DNAJA3: variants seen among roughly 807,000 people sequenced by gnomAD.
The protein encoded by DNAJA3 is DnaJ heat shock protein family (Hsp40) member A3, also known as dnaJ homolog subfamily A member 3, mitochondrial.
In DNAJA3, 29 loss-of-function variants were observed where a neutral mutation model predicts 54.9. The observed-to-expected ratio is 0.53, with a 90% confidence interval of 0.39 to 0.72. The LOEUF (loss-of-function observed/expected upper bound fraction) is 0.72. DNAJA3 is among the 30% of genes least tolerant of loss of function. The pLI, the probability that DNAJA3 is intolerant of heterozygous loss-of-function variation, is 0.00. For missense variants in DNAJA3, 708 were observed against 639.4 expected (o/e 1.11, Z -1.16); for synonymous variants, 302 against 251.4 (o/e 1.20, Z -1.90).
rs532292543 is a variant in DNAJA3 at position 4,429,610 on chromosome 16, G to A, written c.211+3518G>A. 5.9e-5 allele frequency among the ~76,000 whole-genome samples: 9 copies of A among 152,274 alleles called. No homozygotes were observed. In the East Asian group the frequency reaches 7.7e-4, roughly 13 times the overall value. On this transcript the variant is annotated intron_variant, in intron 1 of 11. Transcript: ENST00000262375. ...AGCACTTTGGGAGGCCTATGCGGGC[G>A]GATCACCTGAAGTCAGGAGTTTGAG...
chr16:4,453,359 G>C (rs2056998487), intron 10 of DNAJA3, among the ~76,000 whole-genome samples: 1 of 152,076 alleles, frequency 6.6e-6, no homozygotes, highest in Non-Finnish European at 1.5e-5. Context: ...CTGGCGAACA[G>C]AGAGGGAACT....
intron 2 of DNAJA3, among the ~76,000 whole-genome samples, chr16:4,437,024 G>T (rs890264752): frequency 6.6e-6 from 1 of 152,144 alleles, no homozygotes; most frequent in South Asian, 2.1e-4. Context: ...AGGCTGGAGT[G>T]CAGTGCCTCG....
At position 4,442,408 on chromosome 16, in the gene DNAJA3, C is replaced by G; in HGVS notation, c.771C>G (p.Gly257=). ...AGGTGCAGCATTGCCACTACTGTGGCGGCTCCGGCATGGTAAGGCTCTGCC... is the reference window on the plus strand; with the variant it reads ...AGGTGCAGCATTGCCACTACTGTGGGGGCTCCGGCATGGTAAGGCTCTGCC... ...GTKVQHCHYC[G]GSGMETINTG... Residue 257 remains glycine (G), a synonymous_variant, in exon 5 of 12, where the codon GGC becomes GGG. Coordinates refer to ENST00000262375, the MANE Select transcript of DNAJA3 (RefSeq NM_005147.6). 1.3e-6 allele frequency: 2 copies of G among 1,599,784 alleles called. No homozygotes were observed.
intron 7 of DNAJA3, among the ~76,000 whole-genome samples, chr16:4,445,846 C>T (rs1596368138): frequency 6.6e-6 from 1 of 152,272 alleles, no homozygotes; most frequent in East Asian, 1.9e-4. Context: ...GCCACTGCGC[C>T]CGGCCTGTGA....
intron 2 of DNAJA3, 107 bp downstream of exon 2, chr16:4,434,624 G>A (rs1404454849): frequency 1.5e-6 from 2 of 1,306,520 alleles, no homozygotes; most frequent in Non-Finnish European, 2.1e-6. Context: ...TAGGTCTCAT[G>A]AGCTGATAGT....
chr16:4,427,886 T>C (rs1319562341), intron 1 of DNAJA3, among the ~76,000 whole-genome samples: 1 of 151,918 alleles, frequency 6.6e-6, no homozygotes, highest in African/African-American at 2.4e-5. Context: ...CTAAAGTGAT[T>C]CCCTTGCTTC....
intron 1 of DNAJA3, among the ~76,000 whole-genome samples, chr16:4,428,434 A>G (rs2056651355): frequency 6.6e-6 from 1 of 152,198 alleles, no homozygotes; most frequent in Non-Finnish European, 1.5e-5. Context: ...TCTAATGTCA[A>G]GGTTGTTTTA....
chr16:4,451,175 G>A (rs1390860931), intron 10 of DNAJA3, among the ~76,000 whole-genome samples: 1 of 152,176 alleles, frequency 6.6e-6, no homozygotes, highest in African/African-American at 2.4e-5. Context: ...TGGGACTCCT[G>A]GCTCAGGGCA....
rs746711710 is a variant in DNAJA3 at position 4,447,001 on chromosome 16, C to A, written c.1112C>A (p.Thr371Lys). 3 of 1,613,602 alleles carry A rather than the reference C, an allele frequency of 1.9e-6. No homozygotes were observed. The African/African-American group carries it at 4.0e-5, about 22-fold the overall frequency. Residue 371 changes from threonine (T) to lysine (K), a missense_variant, in exon 8 of 12, where the codon ACG becomes AAG. Physicochemically the swap from Thr to Lys is moderately conservative, Grantham distance 78. Coordinates refer to ENST00000262375, the MANE Select transcript of DNAJA3 (RefSeq NM_005147.6). ...GTARAQGLYE[T>K]INVTIPPGTQ... ...GCCAGAGCCCAGGGCCTGTACGAGACGATCAACGTGACGGTAAGAGGGTGT... is the reference window on the plus strand; with the variant it reads ...GCCAGAGCCCAGGGCCTGTACGAGAAGATCAACGTGACGGTAAGAGGGTGT...
intron 1 of DNAJA3, chr16:4,434,127 A>C (rs908376118): frequency 2.5e-5 from 11 of 434,712 alleles, no homozygotes; most frequent in African/African-American, 2.3e-4. Flanking sequence ...AAACTATCAG[A>C]TCTCATGAGA....
rs1185344266 is a variant in DNAJA3, at chr16:4,442,387, G to T, written c.750G>T (p.Val250=). The T allele has an allele frequency of 6.2e-7, 1 of 1,608,656 alleles. No individual in the cohort carries two copies. Residue 250 remains valine (V), a synonymous_variant, in exon 5 of 12, where the codon GTG becomes GTT. Coordinates refer to ENST00000262375, the MANE Select transcript of DNAJA3 (RefSeq NM_005147.6). ...NGKGNEPGTK[V]QHCHYCGGSG... ...AGGGGAACGAGCCCGGCACCAAGGT[G>T]CAGCATTGCCACTACTGTGGCGGCT...
At chr16:4,433,338 C>G (rs2056730661) in intron 1 of DNAJA3, 1 of 152,246 alleles carries the variant, frequency 6.6e-6, no homozygotes, top group African/African-American at 2.4e-5. Flanking sequence ...TAGCCAGTTT[C>G]TGCAGCTTAA....
At chr16:4,429,914 T>C (rs373630365) in intron 1 of DNAJA3, among the ~76,000 whole-genome samples, 2 of 152,118 alleles carry the variant, frequency 1.3e-5, no homozygotes, top group Middle Eastern at 6.8e-3. Flanking sequence ...GGAGTTTCAC[T>C]TGAGCCCAGA....
chr16:4,436,152 C>T (rs1187620640), intron 2 of DNAJA3, among the ~76,000 whole-genome samples: 1 of 152,026 alleles, frequency 6.6e-6, no homozygotes, highest in Non-Finnish European at 1.5e-5. Context: ...CCATTGCCCA[C>T]TTTTAACTGG....
intron 2 of DNAJA3, among the ~76,000 whole-genome samples, chr16:4,436,781 C>T (rs1242910530): frequency 6.6e-6 from 1 of 152,158 alleles, no homozygotes; most frequent in Admixed American, 6.6e-5. Flanking sequence ...GGTGATCCAC[C>T]CAGCTCAGCA....
chr16:4,450,296 T>G (rs1392379867), intron 9 of DNAJA3, 104 bp from the exon 10 acceptor site: 4 of 866,954 alleles, frequency 4.6e-6, no homozygotes, highest in Non-Finnish European at 7.1e-6. Context: ...CTGCCAAGGT[T>G]GGGTCCCTCT....
At chr16:4,449,812 C>CTT (rs946466425) in intron 9 of DNAJA3, 5 of 144,470 alleles carry the variant, frequency 3.5e-5, no homozygotes, top group Non-Finnish European at 3.1e-5. Flanking sequence ...TAGATAATTT[C>CTT]TTTTTTTTTT....
intron 5 of DNAJA3, chr16:4,442,642 G>C: frequency 1.9e-6 from 1 of 539,276 alleles, no homozygotes; most frequent in South Asian, 3.2e-5. Flanking sequence ...GGGGCGGGGC[G>C]GGGGATTGCA....
At chr16:4,444,445 G>GC (rs2056877744) in intron 6 of DNAJA3, among the ~76,000 whole-genome samples, 1 of 151,480 alleles carries the variant, frequency 6.6e-6, no homozygotes, top group African/African-American at 2.4e-5. Flanking sequence ...CTGGGTTCAA[G>GC]CGATTCTCTT....
Sources: gnomAD v4.1 joint callset for allele counts (sites outside exome capture counted in the v4.1 genomes callset) on GRCh38, gnomAD v4.1.1 for gene constraint, MANE v1.5 for transcripts, NCBI Gene and HGNC (gene_info 2026-07-23, HGNC 2026-07-21) for gene names.